Variants in MAP6 observed in about 807,000 individuals in gnomAD.
MAP6 encodes the protein microtubule-associated protein 6.
A neutral mutation model predicts 42.4 loss-of-function variants in MAP6; 26 were observed. The observed-to-expected ratio is 0.61, with a 90% CI of 0.45 to 0.85. The LOEUF is 0.85. Among genes scored for constraint, MAP6 ranks in the 40% least tolerant of loss-of-function variants. The pLI, the probability that MAP6 is intolerant of heterozygous loss-of-function variation, is 0.00. For synonymous variants in MAP6, 418 were observed against 443.8 expected (o/e 0.94, Z 0.73); for missense variants, 966 against 1,099.0 (o/e 0.88, Z 1.71).
rs1037131453 is a variant in MAP6 at position 75,604,712 on chromosome 11, T to C, written c.1316+1096A>G. On this transcript the variant is annotated intron_variant, in intron 3 of 3. Transcript: ENST00000304771. ...CCACACACACACACGACACGGAATA[T>C]ACTGAGAGCTGCTTTTATATATTAA... The C allele has an allele frequency of 6.1e-5, 60 of 985,310 alleles. No individual in the cohort carries two copies. In the African/African-American group the frequency reaches 8.9e-4, roughly 15 times the overall value. The allele number at this position is 985,310 out of a possible 1,614,324, so 61.0% of individuals were successfully genotyped here.
chr11:75,611,958 C>T lies in MAP6; in HGVS notation c.906-3636G>A, dbSNP rs147979635. ...GGCTCCACAGCCCACAGCCTTCCCA[C>T]TACACTTCGGCAATGTGCCAGAGCT... On this transcript the variant is annotated intron_variant, in intron 1 of 3. Coordinates refer to ENST00000304771, the MANE Select transcript of MAP6 (RefSeq NM_033063.2). 4.0e-3 allele frequency among the ~76,000 whole-genome samples: 609 copies of T among 152,406 alleles called. 7 individuals are homozygous for T. Among genetic ancestry groups the T allele is most frequent in the African/African-American group, 0.014 (580 of 41,604 alleles).
Position 75,633,117 on chromosome 11 carries a change from A to G in MAP6, c.906-24795T>C, listed in dbSNP as rs570828729. Reference sequence around the variant, plus strand: ...GTCTCCACAAAACCTAACTGCTTGTAACATATCTTCACTTAAGTATTTCAT... The same window carrying G: ...GTCTCCACAAAACCTAACTGCTTGTGACATATCTTCACTTAAGTATTTCAT... On this transcript the variant is annotated intron_variant, in intron 1 of 3. Transcript: ENST00000304771. Among the ~76,000 whole-genome samples the G allele has an allele frequency of 1.1e-3, 167 of 152,128 alleles. 2 individuals carry two copies. In the South Asian group the frequency reaches 0.034, roughly 31 times the overall value.
chr11:75,617,979 C>A (rs1345256839), intron 1 of MAP6, among the ~76,000 whole-genome samples: 1 of 152,060 alleles, frequency 6.6e-6, no homozygotes, highest in East Asian at 1.9e-4. Context: ...GGCAGAAAAG[C>A]CCTGAAAGGT....
chr11:75,654,617 G>A (rs1301240130), intron 1 of MAP6, among the ~76,000 whole-genome samples: 1 of 152,176 alleles, frequency 6.6e-6, no homozygotes, highest in Non-Finnish European at 1.5e-5. Flanking sequence ...CATCTGAGAT[G>A]CAATAAATGT....
chr11:75,608,366 CT>C, intron 1 of MAP6, 44 bp from the exon 2 acceptor site: 1 of 1,505,690 alleles, frequency 6.6e-7, no homozygotes, highest in South Asian at 1.1e-5. Flanking sequence ...CATCATCTGC[CT>C]GGAAGCAGAG....
chr11:75,608,456 G>C (rs1455320963), intron 1 of MAP6, 134 bp from the exon 2 acceptor site: 4 of 710,000 alleles, frequency 5.6e-6, no homozygotes, highest in Non-Finnish European at 9.5e-6. Context: ...TGGAGGGTTA[G>C]CCTCACTCTT....
chr11:75,612,650 G>A (rs1357799749), intron 1 of MAP6, among the ~76,000 whole-genome samples: 2 of 152,174 alleles, frequency 1.3e-5, no homozygotes, highest in Non-Finnish European at 2.9e-5. Flanking sequence ...CTGGGGCCAG[G>A]TGACACAGAG....
chr11:75,655,207 C>A (rs1010629055), intron 1 of MAP6, among the ~76,000 whole-genome samples: 2 of 152,186 alleles, frequency 1.3e-5, no homozygotes, highest in Non-Finnish European at 2.9e-5. Flanking sequence ...AGGCCCACTG[C>A]ATTATTATTA....
chr11:75,635,943 CCT>C (rs1943362039), intron 1 of MAP6: 1 of 152,150 alleles, frequency 6.6e-6, no homozygotes, highest in African/African-American at 2.4e-5. Flanking sequence ...AATGTTTTAC[CCT>C]TTAGATCCTA....
intron 3 of MAP6, among the ~76,000 whole-genome samples, chr11:75,589,450 A>G (rs1470857014): frequency 6.6e-6 from 1 of 152,176 alleles, no homozygotes; most frequent in Non-Finnish European, 1.5e-5. Context: ...CCTACAACAC[A>G]TCCAGCTTTC....
At chr11:75,623,918 CGGCTGCCCACACTGAGACCCTT>C (rs1453694510) in intron 1 of MAP6, among the ~76,000 whole-genome samples, 2 of 152,132 alleles carry the variant, frequency 1.3e-5, no homozygotes, top group Non-Finnish European at 1.5e-5. Flanking sequence ...TGATGAAGCC[CGGCTGCCCACACTGAGACCCTT>C]GGCTGCCCAC....
Position 75,655,976 on chromosome 11 carries a change from T to C in MAP6, c.905+11489A>G, listed in dbSNP as rs181188106. ...ATTATGAAGTCTACAGAAAAAGATA[T>C]GTTAAAGCAGTTGGCACAGAGTAAA... On this transcript the variant is annotated intron_variant, in intron 1 of 3. Coordinates refer to ENST00000304771, the MANE Select transcript of MAP6 (RefSeq NM_033063.2). 4.2e-3 allele frequency among the ~76,000 whole-genome samples: 637 copies of C among 152,376 alleles called. 6 individuals are homozygous for C. Among genetic ancestry groups the C allele is most frequent in the African/African-American group, 0.015 (611 of 41,588 alleles).
intron 1 of MAP6, among the ~76,000 whole-genome samples, chr11:75,644,435 T>C (rs547333835): frequency 5.3e-5 from 8 of 152,328 alleles, no homozygotes; most frequent in African/African-American, 1.9e-4. Context: ...GGTATTAATT[T>C]TGTTATGTGT....
intron 1 of MAP6, among the ~76,000 whole-genome samples, chr11:75,662,236 A>C (rs1943863872): frequency 1.3e-5 from 2 of 152,190 alleles, no homozygotes; most frequent in Admixed American, 1.3e-4. Context: ...ATGACTTTCC[A>C]TATACGGAAA....
chr11:75,668,095 T>A lies in MAP6; in HGVS notation c.275A>T (p.Glu92Val). Residue 92 changes from glutamate to valine, a missense_variant, in exon 1 of 4, where the codon GAG (glutamate) becomes GTG (valine). Glu to Val is a moderately radical substitution (Grantham distance 121). Transcript: ENST00000304771. ...ATGPAPGPTG[E>V]REPAAGPGRS... Reference sequence around the variant, plus strand: ...GCCGGGGCCCGCCGCCGGCTCGCGCTCGCCGGTAGGCCCAGGCGCTGGCCC... The same window carrying A: ...GCCGGGGCCCGCCGCCGGCTCGCGCACGCCGGTAGGCCCAGGCGCTGGCCC... 1.0e-6 allele frequency: 1 copy of A among 983,760 alleles called. No individual in the cohort carries two copies. The highest frequency in any genetic ancestry group is 3.8e-5 in the East Asian group (1 of 26,122). 60.9% of individuals were successfully genotyped at this position (983,760 alleles called of 1,614,324 possible).
chr11:75,589,122 C>G (rs1181699947), intron 3 of MAP6, among the ~76,000 whole-genome samples: 1 of 152,204 alleles, frequency 6.6e-6, no homozygotes, highest in Non-Finnish European at 1.5e-5. Flanking sequence ...ACTTCTGGCT[C>G]TCTCTGCTCT....
intron 3 of MAP6, among the ~76,000 whole-genome samples, chr11:75,593,905 A>C (rs1480321550): frequency 6.6e-6 from 1 of 152,226 alleles, no homozygotes; most frequent in Non-Finnish European, 1.5e-5. Context: ...CCTCCTAGCC[A>C]TAGGATGGCA....
chr11:75,653,729 T>C (rs2135682286), intron 1 of MAP6, among the ~76,000 whole-genome samples: 1 of 152,334 alleles, frequency 6.6e-6, no homozygotes, highest in South Asian at 2.1e-4. Flanking sequence ...GATTAGAACA[T>C]GGTGACTCAG....
intron 1 of MAP6, among the ~76,000 whole-genome samples, chr11:75,651,345 C>T (rs1280984214): frequency 6.6e-6 from 1 of 152,164 alleles, no homozygotes; most frequent in Non-Finnish European, 1.5e-5. Context: ...ATCACCAAGC[C>T]TCTCTCCAAT....
Sources: gnomAD v4.1 joint callset for allele counts (sites outside exome capture counted in the v4.1 genomes callset) on GRCh38, gnomAD v4.1.1 for gene constraint, MANE v1.5 for transcripts, NCBI Gene and HGNC (gene_info 2026-07-23, HGNC 2026-07-21) for gene names.